LRP1B: variants seen among roughly 807,000 people sequenced by gnomAD.
LRP1B encodes low-density lipoprotein receptor-related protein 1B.
In LRP1B, 217 loss-of-function variants were observed where a neutral mutation model predicts 556.6. The ratio of observed to expected loss-of-function variants is 0.39; its 90% CI spans 0.35 to 0.44. The LOEUF (loss-of-function observed/expected upper bound fraction) is 0.44, where lower values mean the gene tolerates loss of function less well. Among genes scored for constraint, LRP1B ranks in the 20% least tolerant of loss-of-function variants. LRP1B has a pLI of 1.00. For missense variants in LRP1B, 5,053 were observed against 5,620.8 expected (o/e 0.90, Z 3.23); for synonymous variants, 2,047 against 1,865.8 (o/e 1.10, Z -2.50).
intron 7 of LRP1B, among the ~76,000 whole-genome samples, chr2:141,081,845 C>G (rs1699930287): frequency 6.6e-6 from 1 of 152,076 alleles, no homozygotes; most frequent in South Asian, 2.1e-4. Context: ...TCTGTGCCAC[C>G]AAGATTCTCA....
chr2:140,866,012 G>A (rs1314638834), intron 27 of LRP1B, among the ~76,000 whole-genome samples: 1 of 152,084 alleles, frequency 6.6e-6, no homozygotes, highest in Non-Finnish European at 1.5e-5. Context: ...TGAAGGAGAA[G>A]GACATTGATC....
intron 1 of LRP1B, among the ~76,000 whole-genome samples, chr2:142,126,177 C>T (rs1707644099): frequency 6.6e-6 from 1 of 151,658 alleles, no homozygotes; most frequent in Admixed American, 6.6e-5. Flanking sequence ...CAGTCAGATT[C>T]TGTTAAAACA....
intron 29 of LRP1B, among the ~76,000 whole-genome samples, chr2:140,847,735 C>T (rs957431448): frequency 6.7e-6 from 1 of 150,354 alleles, no homozygotes; most frequent in Non-Finnish European, 1.5e-5. Flanking sequence ...CCACTGCACT[C>T]CAGCCTGGGA....
At chr2:140,523,222 T>A (rs1400237456) in intron 49 of LRP1B, among the ~76,000 whole-genome samples, 1 of 152,056 alleles carries the variant, frequency 6.6e-6, no homozygotes, top group Non-Finnish European at 1.5e-5. Context: ...ATTCCTGGGA[T>A]TCCAGGTCGG....
intron 60 of LRP1B, among the ~76,000 whole-genome samples, chr2:140,460,437 T>G (rs2105328068): frequency 6.6e-6 from 1 of 152,272 alleles, no homozygotes; most frequent in African/African-American, 2.4e-5. Flanking sequence ...AAACAAACCC[T>G]TAATTAATGC....
intron 3 of LRP1B, among the ~76,000 whole-genome samples, chr2:141,346,761 A>G (rs764497566): frequency 6.6e-6 from 1 of 152,154 alleles, no homozygotes; most frequent in African/African-American, 2.4e-5. Context: ...TAGGCTTTTA[A>G]GGCTTTTTTA....
rs552428703 is a variant in LRP1B, at chr2:141,465,125, T to C, written c.343+15271A>G. Among the ~76,000 whole-genome samples, 451 of 152,188 alleles carry C rather than the reference T, an allele frequency of 3.0e-3. 2 individuals carry two copies. The highest frequency in any genetic ancestry group is 5.2e-3 in the Non-Finnish European group (353 of 68,008). ...ATAAAACAGAAAGAAAGTATACACA[T>C]TGACAAAACACAGTTAAAATCAATG... On this transcript the variant is annotated intron_variant, in intron 3 of 90. Coordinates refer to ENST00000389484, the MANE Select transcript of LRP1B (RefSeq NM_018557.3).
At chr2:141,854,699 G>T (rs1232838293) in intron 1 of LRP1B, among the ~76,000 whole-genome samples, 1 of 151,886 alleles carries the variant, frequency 6.6e-6, no homozygotes, top group African/African-American at 2.4e-5. Flanking sequence ...ATGGCATAAA[G>T]GGGAAAAATA....
At chr2:141,124,959 G>T (rs1358084327) in intron 7 of LRP1B, among the ~76,000 whole-genome samples, 1 of 152,232 alleles carries the variant, frequency 6.6e-6, no homozygotes, top group Non-Finnish European at 1.5e-5. Context: ...TTTGTGGTGT[G>T]TCAGTCTAGT....
chr2:140,920,159 C>T (rs1052508304), intron 21 of LRP1B, among the ~76,000 whole-genome samples: 1 of 151,968 alleles, frequency 6.6e-6, no homozygotes, highest in African/African-American at 2.4e-5. Context: ...AAATTCACTT[C>T]CCTTTTCCCC....
intron 2 of LRP1B, among the ~76,000 whole-genome samples, chr2:141,596,317 T>A (rs554241836): frequency 6.6e-6 from 1 of 152,044 alleles, no homozygotes; most frequent in Admixed American, 6.6e-5. Flanking sequence ...ATAAATTACT[T>A]GACAAAAAAA....
At chr2:141,522,453 C>T (rs539892527) in intron 2 of LRP1B, among the ~76,000 whole-genome samples, 262 of 152,168 alleles carry the variant, frequency 1.7e-3, no homozygotes, top group African/African-American at 5.9e-3. Flanking sequence ...ATCAGTTTCC[C>T]GGACATTTAC....
At chr2:142,088,519 T>C (rs1352864155) in intron 1 of LRP1B, among the ~76,000 whole-genome samples, 1 of 152,194 alleles carries the variant, frequency 6.6e-6, no homozygotes, top group Admixed American at 6.5e-5. Flanking sequence ...AGACAATACC[T>C]TAGCCATCAG....
intron 3 of LRP1B, among the ~76,000 whole-genome samples, chr2:141,443,556 T>C (rs1419988506): frequency 6.6e-6 from 1 of 152,186 alleles, no homozygotes; most frequent in Non-Finnish European, 1.5e-5. Flanking sequence ...GTTTTTATGG[T>C]TTTAGGTCTT....
At chr2:141,951,804 G>T (rs10181838) in intron 1 of LRP1B, among the ~76,000 whole-genome samples, 69,628 of 151,886 alleles carry the variant, frequency 0.46, 16,132 homozygotes, top group Admixed American at 0.53. Context: ...GATGAGCTTT[G>T]ATTAGAAACA....
At chr2:141,359,437 G>A (rs1387225152) in intron 3 of LRP1B, among the ~76,000 whole-genome samples, 1 of 152,120 alleles carries the variant, frequency 6.6e-6, no homozygotes, top group Non-Finnish European at 1.5e-5. Flanking sequence ...GACTTACGAG[G>A]AAAAGCGTCA....
chr2:140,988,668 C>T (rs1471466105), intron 17 of LRP1B, among the ~76,000 whole-genome samples: 3 of 152,144 alleles, frequency 2.0e-5, no homozygotes, highest in Non-Finnish European at 4.4e-5. Context: ...GGTCTTCTCT[C>T]TAGAGGTTGC....
intron 1 of LRP1B, among the ~76,000 whole-genome samples, chr2:141,988,954 G>A (rs1702272576): frequency 6.6e-6 from 1 of 151,910 alleles, no homozygotes; most frequent in African/African-American, 2.4e-5. Flanking sequence ...TCCTTAAAGA[G>A]ATGTGTATAA....
intron 47 of LRP1B, among the ~76,000 whole-genome samples, chr2:140,528,645 G>T (rs1690545796): frequency 6.6e-6 from 1 of 151,758 alleles, no homozygotes; most frequent in Admixed American, 6.6e-5. Context: ...TTTGGTGTAG[G>T]GTTTGAGAAC....
Sources: gnomAD v4.1 joint callset for allele counts (sites outside exome capture counted in the v4.1 genomes callset) on GRCh38, gnomAD v4.1.1 for gene constraint, MANE v1.5 for transcripts, NCBI Gene and HGNC (gene_info 2026-07-23, HGNC 2026-07-21) for gene names.